The following GRB14 variants were observed in gnomAD, a reference collection of about 807,000 sequenced individuals.
The protein encoded by GRB14 is growth factor receptor bound protein 14, also known as growth factor receptor-bound protein 14.
In GRB14, 38 loss-of-function variants were observed where a neutral mutation model predicts 69.1. The ratio of observed to expected loss-of-function variants is 0.55; its 90% CI spans 0.42 to 0.72. GRB14 has a LOEUF of 0.72. GRB14 is among the 30% of genes least tolerant of loss of function. The probability of loss-of-function intolerance (pLI) is 0.00; values close to 1 mark genes in which losing one functional copy is unlikely to be tolerated. For missense variants in GRB14, 666 were observed against 666.1 expected (o/e 1.00, Z 0.00); for synonymous variants, 247 against 241.3 (o/e 1.02, Z -0.22).
chr2:164,602,517 A>G (rs2105353428), intron 2 of GRB14, among the ~76,000 whole-genome samples: 1 of 152,344 alleles, frequency 6.6e-6, no homozygotes, highest in Admixed American at 6.5e-5. Flanking sequence ...CTTCATAAGA[A>G]AGCATTATAA....
intron 2 of GRB14, among the ~76,000 whole-genome samples, chr2:164,551,955 A>C (rs1231249531): frequency 1.3e-5 from 2 of 152,190 alleles, no homozygotes; most frequent in African/African-American, 4.8e-5. Context: ...TCTGGTAAGG[A>C]GCTCAGGATG....
chr2:164,615,825 G>C (rs777899501), intron 2 of GRB14, among the ~76,000 whole-genome samples: 1 of 152,140 alleles, frequency 6.6e-6, no homozygotes, highest in East Asian at 1.9e-4. Flanking sequence ...AAATTACCTA[G>C]GGGTCAACAA....
intron 8 of GRB14, among the ~76,000 whole-genome samples, chr2:164,504,478 T>C (rs1309349548): frequency 6.6e-6 from 1 of 152,048 alleles, no homozygotes; most frequent in Non-Finnish European, 1.5e-5. Flanking sequence ...GCCAACTCAC[T>C]CCACCATTAG....
At chr2:164,502,165 AATT>A (rs1401390940) in intron 9 of GRB14, 87 bp downstream of exon 9, 7 of 632,152 alleles carry the variant, frequency 1.1e-5, no homozygotes, top group Admixed American at 8.7e-5. Context: ...AAATAACATA[AATT>A]ATTATAAGAT....
intron 2 of GRB14, among the ~76,000 whole-genome samples, chr2:164,589,416 G>T (rs879099569): frequency 3.9e-5 from 6 of 152,060 alleles, no homozygotes; most frequent in African/African-American, 1.2e-4. Flanking sequence ...AGGAAAAATG[G>T]TTTATTTGAC....
intron 2 of GRB14, among the ~76,000 whole-genome samples, chr2:164,613,647 AAG>A (rs573239469): frequency 1.3e-4 from 20 of 152,332 alleles, no homozygotes; most frequent in African/African-American, 4.1e-4. Flanking sequence ...GGGAGAACAA[AAG>A]AGAGAGAATA....
In GRB14 at chr2:164,493,197, G is replaced by A. The variant is rs1160220914; in HGVS notation, c.1477-15C>T. On this transcript the variant is annotated splice_polypyrimidine_tract_variant and intron_variant, in intron 13 of 13. Transcript: ENST00000263915. ...TCATCTTCTACCTGCAAAAAGAAAA[G>A]CAACAAATAAGTAAAGAGGATAAAT... The A allele has an allele frequency of 1.2e-6, 2 of 1,605,708 alleles. No individual in the cohort carries two copies. The highest frequency in any genetic ancestry group is 1.7e-6 in the Non-Finnish European group (2 of 1,175,384).
intron 6 of GRB14, among the ~76,000 whole-genome samples, chr2:164,521,071 C>T (rs551793683): frequency 5.3e-5 from 8 of 152,210 alleles, no homozygotes; most frequent in East Asian, 3.9e-4. Flanking sequence ...TTTATAGCAG[C>T]GCAATTCACA....
intron 13 of GRB14, 107 bp from the exon 14 acceptor site, chr2:164,493,289 A>G: frequency 1.0e-6 from 1 of 967,768 alleles, no homozygotes; most frequent in Non-Finnish European, 1.5e-6. Flanking sequence ...AAGTTTATAA[A>G]ACTAAAAGAC....
Position 164,615,323 on chromosome 2 carries a change from G to T in GRB14, c.324+4364C>A, listed in dbSNP as rs193261027. On this transcript the variant is annotated intron_variant, in intron 2 of 13. Coordinates refer to ENST00000263915, the MANE Select transcript of GRB14 (RefSeq NM_004490.3). ...AGATTTCTCAGACCAATTTTAGGGA[G>T]AAGATGGAGAAGAAAGCTAGAAGAA... 6.2e-4 allele frequency among the ~76,000 whole-genome samples: 95 copies of T among 152,256 alleles called. 1 individual carries two copies. The highest frequency in any genetic ancestry group is 6.1e-3 in the Admixed American group (94 of 15,300).
chr2:164,547,621 G>T (rs1214281837), intron 3 of GRB14, 39 bp downstream of exon 3: 3 of 1,532,984 alleles, frequency 2.0e-6, no homozygotes, highest in African/African-American at 2.7e-5. Context: ...ACAAGAAATA[G>T]AAAAGCAATG....
chr2:164,530,505 G>T (rs1010271412), intron 3 of GRB14, among the ~76,000 whole-genome samples: 2 of 152,206 alleles, frequency 1.3e-5, no homozygotes. Context: ...GAGAGAGAAA[G>T]TGCTGAGGAC....
Position 164,581,000 on chromosome 2 carries a change from T to C in GRB14, c.325-33184A>G, listed in dbSNP as rs1338383388. ...TGCTCTAGTTGTTAGGATGACACTT[T>C]CTTCTACGGATCTACTACCAGTGCC... On this transcript the variant is annotated intron_variant, in intron 2 of 13. Coordinates refer to ENST00000263915, the MANE Select transcript of GRB14 (RefSeq NM_004490.3). 2.0e-5 allele frequency among the ~76,000 whole-genome samples: 3 copies of C among 152,218 alleles called. No individual in the cohort carries two copies. In the East Asian group the frequency reaches 5.8e-4, roughly 29 times the overall value.
intron 2 of GRB14, among the ~76,000 whole-genome samples, chr2:164,603,123 G>T (rs577989570): frequency 6.6e-6 from 1 of 152,060 alleles, no homozygotes; most frequent in East Asian, 1.9e-4. Flanking sequence ...GAAGAGTGAG[G>T]GGTATTCATG....
At chr2:164,603,078 T>C (rs1475636324) in intron 2 of GRB14, among the ~76,000 whole-genome samples, 1 of 152,142 alleles carries the variant, frequency 6.6e-6, no homozygotes, top group Admixed American at 6.5e-5. Flanking sequence ...GGTCCAGCTG[T>C]ATAGTACCTC....
intron 2 of GRB14, among the ~76,000 whole-genome samples, chr2:164,551,377 A>G (rs1440139779): frequency 6.6e-6 from 1 of 152,194 alleles, no homozygotes; most frequent in Non-Finnish European, 1.5e-5. Flanking sequence ...ACTGTGGGCA[A>G]ATGGGGCCCA....
chr2:164,618,179 A>G, intron 2 of GRB14, among the ~76,000 whole-genome samples: 1 of 151,704 alleles, frequency 6.6e-6, no homozygotes, highest in East Asian at 1.9e-4. Context: ...GTTGGACAGG[A>G]TGGTCTCAAT....
intron 2 of GRB14, among the ~76,000 whole-genome samples, chr2:164,563,023 C>T (rs943908193): frequency 6.6e-6 from 1 of 152,092 alleles, no homozygotes; most frequent in Non-Finnish European, 1.5e-5. Context: ...CAAGGTTTAG[C>T]AAGAATGAGA....
rs551956628 is a variant in GRB14, at chr2:164,602,308, C to A, written c.324+17379G>T. 2.0e-5 allele frequency among the ~76,000 whole-genome samples: 3 copies of A among 152,026 alleles called. No individual in the cohort carries two copies. In the South Asian group the frequency reaches 6.2e-4, roughly 32 times the overall value. On this transcript the variant is annotated intron_variant, in intron 2 of 13. Coordinates refer to ENST00000263915, the MANE Select transcript of GRB14 (RefSeq NM_004490.3). ...TTCTTTTAACTCTTGAATGAAGACACTAACATCTTCTATACCTATGAACAT... is the reference window on the plus strand; with the variant it reads ...TTCTTTTAACTCTTGAATGAAGACAATAACATCTTCTATACCTATGAACAT...
Sources: gnomAD v4.1 joint callset for allele counts (sites outside exome capture counted in the v4.1 genomes callset) on GRCh38, gnomAD v4.1.1 for gene constraint, MANE v1.5 for transcripts, NCBI Gene and HGNC (gene_info 2026-07-23, HGNC 2026-07-21) for gene names.